The following AJAP1 variants were observed in gnomAD, a reference collection of about 807,000 sequenced individuals.
AJAP1 encodes the protein adherens junctions associated protein 1.
AJAP1 carries 5 observed loss-of-function variants against 35.0 expected under a neutral mutation model. The observed-to-expected ratio is 0.14, with a 90% CI of 0.07 to 0.30. AJAP1 has a LOEUF of 0.30. AJAP1 is among the 10% of genes least tolerant of loss of function. The probability of loss-of-function intolerance (pLI) is 1.00; values close to 1 mark genes in which losing one functional copy is unlikely to be tolerated. For missense variants in AJAP1, 586 were observed against 571.0 expected, an observed-to-expected ratio of 1.03 and a Z score of -0.27; for synonymous variants, 284 against 249.3, an observed-to-expected ratio of 1.14 and a Z score of -1.31.
chr1:4,712,241 C>A lies in AJAP1; in HGVS notation c.371C>A (p.Ala124Asp). ...KAGLAKPPAA[A>D]KSSPSLASSS... Reference sequence around the variant, plus strand: ...GGACTGGCCAAGCCCCCAGCTGCTGCCAAATCCAGCCCTTCCCTCGCCTCT... The same window carrying A: ...GGACTGGCCAAGCCCCCAGCTGCTGACAAATCCAGCCCTTCCCTCGCCTCT... Residue 124 changes from alanine to aspartate, a missense_variant, in exon 2 of 6, where the codon GCC (alanine) becomes GAC (aspartate). Transcript: ENST00000378191. 6.5e-7 allele frequency: 1 copy of A among 1,531,632 alleles called. No individual in the cohort carries two copies. The allele number at this position is 1,531,632 out of a possible 1,614,324, so 94.9% of individuals were successfully genotyped here. A position where few individuals can be genotyped will look rare whatever the true frequency, so the allele number is the denominator to read the frequency against.
At chr1:4,705,229 A>AATTAATTCAAGATGGATTAAAG (rs1553156729) in intron 1 of AJAP1, among the ~76,000 whole-genome samples, 1 of 151,986 alleles carries the variant, frequency 6.6e-6, no homozygotes, top group Non-Finnish European at 1.5e-5. Flanking sequence ...CTTATACAAA[A>AATTAATTCAAGATGGATTAAAG]ATTAATTCAA....
At chr1:4,752,189 AGAG>A (rs1034905399) in intron 2 of AJAP1, among the ~76,000 whole-genome samples, 10 of 145,274 alleles carry the variant, frequency 6.9e-5, no homozygotes, top group Admixed American at 4.8e-4. Context: ...GGGAGGAGAG[AGAG>A]GAGGAGGGAG....
In AJAP1 at chr1:4,784,774, T is replaced by G. The variant is rs1352477195; in HGVS notation, c.*2289T>G. The G allele has an allele frequency of 6.6e-6, 1 of 152,278 alleles. No individual in the cohort carries two copies. Among genetic ancestry groups the G allele is most frequent in the Non-Finnish European group, 1.5e-5 (1 of 68,062 alleles). 9.4% of individuals were successfully genotyped at this position (152,278 alleles called of 1,614,324 possible). A position where few individuals can be genotyped will look rare whatever the true frequency, so the allele number is the denominator to read the frequency against. On this transcript the variant is annotated 3_prime_UTR_variant, in exon 6 of 6. Transcript: ENST00000378191. ...CAATGCAAACATCCGCCACTGGCAT[T>G]TGGCCGTCTCCAGGTTCCTGGCACT...
intron 1 of AJAP1, among the ~76,000 whole-genome samples, chr1:4,696,157 G>A (rs1038771314): frequency 6.6e-6 from 1 of 150,856 alleles, no homozygotes; most frequent in Admixed American, 6.6e-5. Context: ...GGGTTGAGGG[G>A]GGGAGCAGGG....
At chr1:4,774,873 G>A (rs71640949) in intron 5 of AJAP1, among the ~76,000 whole-genome samples, 18,335 of 152,096 alleles carry the variant, frequency 0.12, 1,402 homozygotes, top group East Asian at 0.37. Flanking sequence ...GGCCTACGTG[G>A]CAGGGAAAGT....
chr1:4,774,530 C>T lies in AJAP1; in HGVS notation c.*31C>T, dbSNP rs1641904796. Reference sequence around the variant, plus strand: ...CGAAGTCTTTTTTACCTCCTGGGGGCAGGGCAGACGCCGTGTGTCTGTTTC... The same window carrying T: ...CGAAGTCTTTTTTACCTCCTGGGGGTAGGGCAGACGCCGTGTGTCTGTTTC... On this transcript the variant is annotated 3_prime_UTR_variant, in exon 5 of 6. Transcript: ENST00000378191. 3.1e-6 allele frequency: 5 copies of T among 1,600,276 alleles called. No homozygotes were observed. Among genetic ancestry groups the T allele is most frequent in the East Asian group, 2.2e-5 (1 of 44,788 alleles).
intron 1 of AJAP1, among the ~76,000 whole-genome samples, chr1:4,668,076 G>A (rs952190037): frequency 3.9e-5 from 6 of 152,118 alleles, no homozygotes; most frequent in Admixed American, 1.3e-4. Context: ...TTAGCCAGGC[G>A]TGGTGGTATA....
intron 2 of AJAP1, among the ~76,000 whole-genome samples, chr1:4,740,264 A>C (rs1481146919): frequency 8.4e-6 from 1 of 119,060 alleles, no homozygotes; most frequent in African/African-American, 3.2e-5. Context: ...ACCGGCCACA[A>C]AAGGACAAAC....
intron 2 of AJAP1, among the ~76,000 whole-genome samples, chr1:4,744,435 T>C (rs751199108): frequency 2.6e-5 from 4 of 152,164 alleles, no homozygotes; most frequent in Non-Finnish European, 5.9e-5. Flanking sequence ...TGCTGAGTGC[T>C]GTGGGGAGAG....
intron 2 of AJAP1, among the ~76,000 whole-genome samples, chr1:4,714,449 G>C (rs763379525): frequency 1.1e-4 from 17 of 152,162 alleles, no homozygotes; most frequent in African/African-American, 3.4e-4. Context: ...CACCTCCTCT[G>C]TATACGTCAC....
In AJAP1 at chr1:4,784,129, C is replaced by G. The variant is rs559935940; in HGVS notation, c.*1644C>G. On this transcript the variant is annotated 3_prime_UTR_variant, in exon 6 of 6. Transcript: ENST00000378191. ...AAACAGGGGCCCCAGACCTGAGCCT[C>G]AGTACAGAGAATCCCAACCACACAC... The G allele has an allele frequency of 2.0e-5, 3 of 152,320 alleles. No individual in the cohort carries two copies. Among genetic ancestry groups the G allele is most frequent in the African/African-American group, 7.2e-5 (3 of 41,558 alleles). The allele number at this position is 152,320 out of a possible 1,614,324, so 9.4% of individuals were successfully genotyped here.
In AJAP1 at chr1:4,655,535, C is replaced by T; in HGVS notation, c.29+81C>T. ...GGAAGCGGCGCTTTCCTCTATGTTG[C>T]AAATCAAGGGACCCCTCTTCGCTTC... On this transcript the variant is annotated intron_variant, in intron 1 of 5. Transcript: ENST00000378191. This position sits in a 1 kb window ranked among gnomAD's most constrained non-coding sequence, Gnocchi z 6.9. The T allele has an allele frequency of 2.7e-6, 4 of 1,490,278 alleles. No individual in the cohort carries two copies. Among genetic ancestry groups the T allele is most frequent in the South Asian group, 2.4e-5 (2 of 83,322 alleles). The allele number at this position is 1,490,278 out of a possible 1,614,324, so 92.3% of individuals were successfully genotyped here.
At position 4,720,575 on chromosome 1, in the gene AJAP1, G is replaced by C. The variant is rs945511930; in HGVS notation, c.829+7876G>C. Among the ~76,000 whole-genome samples the C allele has an allele frequency of 1.3e-5, 2 of 152,216 alleles. No homozygotes were observed. The highest frequency in any genetic ancestry group is 1.3e-4 in the Admixed American group (2 of 15,284). ...TCTGAATCTTTGCCTGCAAAATGGG[G>C]AAGCAATTTCTTTGTGACAAGGCTG... On this transcript the variant is annotated intron_variant, in intron 2 of 5. Coordinates refer to ENST00000378191, the MANE Select transcript of AJAP1 (RefSeq NM_018836.4). The surrounding 1 kb of genome is among the most constrained non-coding windows in gnomAD (Gnocchi z 4.4).
intron 2 of AJAP1, among the ~76,000 whole-genome samples, chr1:4,729,958 C>G (rs1395507069): frequency 6.6e-6 from 1 of 152,098 alleles, no homozygotes; most frequent in Non-Finnish European, 1.5e-5. Context: ...AAAGTTCAGC[C>G]CCAAAAGTAC....
intron 1 of AJAP1, among the ~76,000 whole-genome samples, chr1:4,680,792 C>T (rs60463828): frequency 2.6e-5 from 4 of 152,096 alleles, no homozygotes; most frequent in Non-Finnish European, 4.4e-5. Flanking sequence ...AGTTCAGTGT[C>T]GCATTGCTAC....
intron 1 of AJAP1, among the ~76,000 whole-genome samples, chr1:4,702,042 G>C (rs1640000289): frequency 6.6e-6 from 1 of 151,966 alleles, no homozygotes; most frequent in Admixed American, 6.6e-5. Context: ...TATCCTCAGT[G>C]TTCTGACATG....
intron 2 of AJAP1, among the ~76,000 whole-genome samples, chr1:4,732,847 C>T (rs1640831949): frequency 6.6e-6 from 1 of 152,184 alleles, no homozygotes. Flanking sequence ...CAGTCTGCTT[C>T]GAAAATTGGA....
intron 2 of AJAP1, among the ~76,000 whole-genome samples, chr1:4,743,556 A>G (rs1285399733): frequency 1.3e-5 from 2 of 152,150 alleles, no homozygotes; most frequent in Admixed American, 6.5e-5. Flanking sequence ...TCATCCATCC[A>G]TCCATCCCTC....
At chr1:4,727,706 C>T (rs544355455) in intron 2 of AJAP1, among the ~76,000 whole-genome samples, 117 of 152,308 alleles carry the variant, frequency 7.7e-4, no homozygotes, top group African/African-American at 2.5e-3. Context: ...CTGCCCCTAA[C>T]GCAAGGCTGT....
Sources: gnomAD v4.1 joint callset for allele counts (sites outside exome capture counted in the v4.1 genomes callset) on GRCh38, gnomAD v4.1.1 for gene constraint, Gnocchi (gnomAD v3.1) non-coding constraint, MANE v1.5 for transcripts, NCBI Gene and HGNC (gene_info 2026-07-23, HGNC 2026-07-21) for gene names.